DUSP16: variants seen among roughly 807,000 people sequenced by gnomAD.
The protein encoded by DUSP16 is dual specificity phosphatase 16.
DUSP16 carries 21 observed loss-of-function variants against 58.3 expected under a neutral mutation model. That is an observed-to-expected ratio of 0.36 (90% CI 0.26 to 0.52). The LOEUF (loss-of-function observed/expected upper bound fraction) is 0.52. Ranked by LOEUF, DUSP16 falls within the 20% of genes least tolerant of loss-of-function variation. The probability of loss-of-function intolerance (pLI) is 0.94; values close to 1 mark genes in which losing one functional copy is unlikely to be tolerated. For synonymous variants in DUSP16, 320 were observed against 323.8 expected, an observed-to-expected ratio of 0.99 and a Z score of 0.12; for missense variants, 726 against 819.0, an observed-to-expected ratio of 0.89 and a Z score of 1.39.
intron 1 of DUSP16, among the ~76,000 whole-genome samples, chr12:12,538,190 TCTTTG>T (rs1944498543): frequency 1.3e-5 from 2 of 152,208 alleles, no homozygotes; most frequent in Non-Finnish European, 2.9e-5. Context: ...CCTAAAGACA[TCTTTG>T]GTCTTTCTCT....
chr12:12,544,838 T>C (rs1182359568), intron 1 of DUSP16, among the ~76,000 whole-genome samples: 1 of 152,246 alleles, frequency 6.6e-6, no homozygotes, highest in Non-Finnish European at 1.5e-5. Context: ...GTTTTCTTTT[T>C]CTTTTCATAC....
chr12:12,521,952 ATATGTGTG>A (rs1391975499), intron 1 of DUSP16, among the ~76,000 whole-genome samples: 4 of 151,602 alleles, frequency 2.6e-5, no homozygotes, highest in African/African-American at 9.8e-5. Flanking sequence ...GGGTAGGTGT[ATATGTGTG>A]TATGTGTGTG....
chr12:12,489,092 C>T (rs1354837426), intron 4 of DUSP16, among the ~76,000 whole-genome samples: 1 of 151,976 alleles, frequency 6.6e-6, no homozygotes, highest in African/African-American at 2.4e-5. Context: ...AACAAACACA[C>T]AAACAAAAAA....
intron 1 of DUSP16, among the ~76,000 whole-genome samples, chr12:12,543,327 C>T (rs1944593308): frequency 6.6e-6 from 1 of 152,066 alleles, no homozygotes; most frequent in South Asian, 2.1e-4. Flanking sequence ...ATGTGTACAA[C>T]TTATGGTTCA....
intron 3 of DUSP16, among the ~76,000 whole-genome samples, chr12:12,518,527 A>G (rs1265436979): frequency 6.6e-6 from 1 of 151,710 alleles, no homozygotes; most frequent in African/African-American, 2.4e-5. Flanking sequence ...AAAAAAAAAG[A>G]AAAGAAAAAC....
intron 1 of DUSP16, among the ~76,000 whole-genome samples, chr12:12,536,366 T>C (rs1057231443): frequency 5.3e-5 from 8 of 152,268 alleles, no homozygotes; most frequent in Non-Finnish European, 1.0e-4. Flanking sequence ...CATAAGCTAA[T>C]GTAAAGCAAA....
At chr12:12,532,694 T>C (rs1442656988) in intron 1 of DUSP16, among the ~76,000 whole-genome samples, 1 of 152,186 alleles carries the variant, frequency 6.6e-6, no homozygotes, top group Non-Finnish European at 1.5e-5. Flanking sequence ...ATGCCTGTTA[T>C]CCTAGCACTT....
rs1943694747 is a variant in DUSP16, at chr12:12,487,008, A to G, written c.691+20T>C. The G allele has an allele frequency of 5.6e-6, 9 of 1,613,134 alleles. No individual in the cohort carries two copies. The highest frequency in any genetic ancestry group is 7.6e-6 in the Non-Finnish European group (9 of 1,179,296). On this transcript the variant is annotated intron_variant, in intron 5 of 6. Transcript: ENST00000298573. ...GAGACGATCACCCACAGGACCTGCA[A>G]TATTATTTGAGCTACTTACCAATGA...
Position 12,480,322 on chromosome 12 carries a change from C to T in DUSP16, c.716G>A (p.Cys239Tyr). Residue 239 changes from cysteine to tyrosine, a missense_variant, in exon 6 of 7, where the codon TGT becomes TAT. Transcript: ENST00000298573. Reference sequence around the variant, plus strand: ...CCCAGCTAAACAGTGCACTAGAACACATCCATTGGAGGCTTTTGCTTTCTC... The same window carrying T: ...CCCAGCTAAACAGTGCACTAGAACATATCCATTGGAGGCTTTTGCTTTCTC... ...FIEKAKASNG[C>Y]VLVHCLAGIS... The T allele has an allele frequency of 6.2e-7, 1 of 1,613,976 alleles. No individual in the cohort carries two copies. Among genetic ancestry groups the T allele is most frequent in the Non-Finnish European group, 8.5e-7 (1 of 1,179,940 alleles).
chr12:12,550,254 CAG>C (rs1328977882), intron 1 of DUSP16, among the ~76,000 whole-genome samples: 8 of 143,392 alleles, frequency 5.6e-5, no homozygotes, highest in Admixed American at 2.9e-4. Flanking sequence ...GCCTGGGTGA[CAG>C]AGTGAGACTC....
intron 3 of DUSP16, among the ~76,000 whole-genome samples, chr12:12,514,100 A>G (rs1320581465): frequency 1.3e-5 from 2 of 152,202 alleles, no homozygotes; most frequent in African/African-American, 4.8e-5. Context: ...ATTGATACAG[A>G]AATTTCACAT....
intron 1 of DUSP16, among the ~76,000 whole-genome samples, chr12:12,558,294 CTCT>C (rs1182024458): frequency 1.3e-5 from 2 of 152,144 alleles, no homozygotes; most frequent in Non-Finnish European, 2.9e-5. Context: ...CAGCGAATCC[CTCT>C]TTTTATTTCT....
At chr12:12,514,830 T>C (rs1273115685) in intron 3 of DUSP16, among the ~76,000 whole-genome samples, 1 of 152,134 alleles carries the variant, frequency 6.6e-6, no homozygotes, top group African/African-American at 2.4e-5. Context: ...GCTAATTTTT[T>C]AAATTTCTAG....
In DUSP16 at chr12:12,517,022, CTT is replaced by C. The variant is rs1364043473; in HGVS notation, c.367+2838_367+2839del. On this transcript the variant is annotated intron_variant, in intron 3 of 6. Transcript: ENST00000298573. Reference sequence around the variant, plus strand: ...TCCTCCAGGTAAGTGTCAGTCTCCTCTTGTTTGAAGGAAAAGAGCTCGTTAAG... The same window carrying C: ...TCCTCCAGGTAAGTGTCAGTCTCCTCGTTTGAAGGAAAAGAGCTCGTTAAG... Among the ~76,000 whole-genome samples the C allele has an allele frequency of 3.9e-5, 6 of 152,302 alleles. No homozygotes were observed. The East Asian group carries it at 9.6e-4, about 24-fold the overall frequency.
chr12:12,490,837 A>C (rs898341332), intron 4 of DUSP16, among the ~76,000 whole-genome samples: 7 of 152,208 alleles, frequency 4.6e-5, no homozygotes, highest in African/African-American at 1.7e-4. Flanking sequence ...GTCTTTCCTG[A>C]ATCTTTCCAA....
intron 4 of DUSP16, among the ~76,000 whole-genome samples, chr12:12,500,213 A>G (rs1279487567): frequency 6.6e-6 from 1 of 152,206 alleles, no homozygotes; most frequent in Non-Finnish European, 1.5e-5. Context: ...GTGCCCAATT[A>G]TAATAGATCA....
At chr12:12,491,452 T>C (rs995145456) in intron 4 of DUSP16, 2 of 152,244 alleles carry the variant, frequency 1.3e-5, no homozygotes, top group Non-Finnish European at 2.9e-5. Flanking sequence ...TATAGATACG[T>C]ATCAATGACT....
At chr12:12,525,239 C>T (rs1944287681) in intron 1 of DUSP16, among the ~76,000 whole-genome samples, 1 of 151,840 alleles carries the variant, frequency 6.6e-6, no homozygotes, top group Non-Finnish European at 1.5e-5. Flanking sequence ...TGCATATATG[C>T]ATGTCTGGAA....
At chr12:12,547,239 G>T (rs1303678196) in intron 1 of DUSP16, among the ~76,000 whole-genome samples, 1 of 151,900 alleles carries the variant, frequency 6.6e-6, no homozygotes, top group Non-Finnish European at 1.5e-5. Context: ...GACCAGCCTG[G>T]CCAACATGGC....
Sources: gnomAD v4.1 joint callset for allele counts (sites outside exome capture counted in the v4.1 genomes callset) on GRCh38, gnomAD v4.1.1 for gene constraint, MANE v1.5 for transcripts, NCBI Gene and HGNC (gene_info 2026-07-23, HGNC 2026-07-21) for gene names.